Variants in CAB39L observed in about 807,000 individuals in gnomAD.
The protein encoded by CAB39L is calcium-binding protein 39-like.
In CAB39L, 23 loss-of-function variants were observed where a neutral mutation model predicts 39.1. The ratio of observed to expected loss-of-function variants is 0.59; its 90% CI spans 0.42 to 0.83. The LOEUF is 0.83. Ranked by LOEUF, CAB39L falls within the 40% of genes least tolerant of loss-of-function variation. The probability of loss-of-function intolerance (pLI) is 0.00; values close to 1 mark genes in which losing one functional copy is unlikely to be tolerated. For missense variants in CAB39L, 366 were observed against 391.9 expected (o/e 0.93, Z 0.56); for synonymous variants, 126 against 137.2 (o/e 0.92, Z 0.57).
intron 10 of CAB39L, among the ~76,000 whole-genome samples, chr13:49,331,465 C>G (rs1954694802): frequency 6.6e-6 from 1 of 151,458 alleles, no homozygotes; most frequent in African/African-American, 2.4e-5. Flanking sequence ...GACTCCATCT[C>G]AAAACAAAAA....
At chr13:49,433,661 G>A (rs1008646281) in intron 2 of CAB39L, among the ~76,000 whole-genome samples, 1 of 152,148 alleles carries the variant, frequency 6.6e-6, no homozygotes, top group Non-Finnish European at 1.5e-5. Context: ...GGTAAAGGGC[G>A]CTCTAGTACC....
chr13:49,384,547 T>C (rs1310076914), intron 3 of CAB39L, among the ~76,000 whole-genome samples: 1 of 152,206 alleles, frequency 6.6e-6, no homozygotes, highest in Non-Finnish European at 1.5e-5. Flanking sequence ...CCAGATCCAT[T>C]AGAGGAATCA....
At chr13:49,406,116 G>C (rs902326602) in intron 3 of CAB39L, among the ~76,000 whole-genome samples, 1 of 151,162 alleles carries the variant, frequency 6.6e-6, no homozygotes, top group Non-Finnish European at 1.5e-5. Context: ...ACTACAGTTA[G>C]CAATAATTTG....
chr13:49,346,643 A>G (rs2138449991), intron 7 of CAB39L, among the ~76,000 whole-genome samples: 1 of 152,328 alleles, frequency 6.6e-6, no homozygotes, highest in South Asian at 2.1e-4. Context: ...AGCCAGCGAC[A>G]GCTGCCGTTT....
intron 9 of CAB39L, among the ~76,000 whole-genome samples, chr13:49,336,175 T>C (rs1438272854): frequency 4.6e-5 from 7 of 151,710 alleles, no homozygotes; most frequent in Non-Finnish European, 7.4e-5. Context: ...TCTATGTTTA[T>C]ATATGAGCTT....
intron 3 of CAB39L, among the ~76,000 whole-genome samples, chr13:49,406,280 G>C (rs1483206558): frequency 6.7e-6 from 1 of 148,832 alleles, no homozygotes; most frequent in Non-Finnish European, 1.5e-5. Flanking sequence ...CCATTCTCCT[G>C]CCTCAGCTTC....
At position 49,332,115 on chromosome 13, in the gene CAB39L, C is replaced by A. The variant is rs566058470; in HGVS notation, c.691-25G>T. 5.0e-6 allele frequency: 8 copies of A among 1,607,298 alleles called. No individual in the cohort carries two copies. The East Asian group carries it at 1.3e-4, about 27-fold the overall frequency. ...GCTAGAGGAAAACACAAAACCAAAG[C>A]TGTAATCTCAGAGCCACCTGATTCA... On this transcript the variant is annotated intron_variant, in intron 9 of 10. Coordinates refer to ENST00000409308, the MANE Select transcript of CAB39L (RefSeq NM_001079670.3).
intron 10 of CAB39L, 94 bp from the exon 11 acceptor site, chr13:49,311,087 G>A (rs565818948): frequency 4.3e-5 from 43 of 991,538 alleles, no homozygotes; most frequent in East Asian, 2.4e-4. Context: ...CACACTACTC[G>A]CGTTTCATGC....
At chr13:49,357,048 CAAA>C (rs11447143) in intron 6 of CAB39L, among the ~76,000 whole-genome samples, 2 of 123,194 alleles carry the variant, frequency 1.6e-5, no homozygotes, top group Non-Finnish European at 1.7e-5. Flanking sequence ...GACTCCATCT[CAAA>C]AAAAAAAAAA....
chr13:49,328,920 A>C (rs1954583703), intron 10 of CAB39L, among the ~76,000 whole-genome samples: 1 of 152,116 alleles, frequency 6.6e-6, no homozygotes, highest in African/African-American at 2.4e-5. Flanking sequence ...ACAGCCTCTT[A>C]TTTTCTCTTC....
At chr13:49,355,258 T>C (rs9526545) in intron 6 of CAB39L, among the ~76,000 whole-genome samples, 37,204 of 151,492 alleles carry the variant, frequency 0.25, 4,764 homozygotes, top group Middle Eastern at 0.31. Flanking sequence ...GGCATGCACT[T>C]GTAGTCCCGG....
chr13:49,420,177 G>C (rs1957150129), intron 3 of CAB39L: 1 of 152,060 alleles, frequency 6.6e-6, no homozygotes, highest in African/African-American at 2.4e-5. Flanking sequence ...TATTTCTACA[G>C]CACTGTCAAG....
In CAB39L at chr13:49,331,949, TAAAA is replaced by T; in HGVS notation, c.828_831del (p.Phe277ArgfsTer18). ...TTTCCAGAGCTTGTACTTTTTACCT[TAAAA>T]ACATGAAAGGCTTCAAACTGGATGT... On this transcript the variant is annotated frameshift_variant, in exon 10 of 11. Coordinates refer to ENST00000409308, the MANE Select transcript of CAB39L (RefSeq NM_001079670.3). LOFTEE classifies it high-confidence loss of function. The T allele has an allele frequency of 6.2e-7, 1 of 1,614,014 alleles. No homozygotes were observed. The highest frequency in any genetic ancestry group is 1.1e-5 in the South Asian group (1 of 91,040).
At position 49,315,972 on chromosome 13, in the gene CAB39L, C is replaced by A. The variant is rs1352083061; in HGVS notation, c.835-4979G>T. On this transcript the variant is annotated intron_variant, in intron 10 of 10. Transcript: ENST00000409308. ...GCTTAAGGAACTAGGAAGAGAAGAA[C>A]AAACTAAACCAAAGCAACATAAGGA... is the stretch of plus-strand genomic sequence containing the variant. Among the ~76,000 whole-genome samples, 3 of 150,042 alleles carry A rather than the reference C, an allele frequency of 2.0e-5. No individual in the cohort carries two copies. The East Asian group carries it at 5.9e-4, about 29-fold the overall frequency.
At position 49,339,157 on chromosome 13, in the gene CAB39L, T is replaced by A. The variant is rs189405443; in HGVS notation, c.690+520A>T. On this transcript the variant is annotated intron_variant, in intron 9 of 10. Coordinates refer to ENST00000409308, the MANE Select transcript of CAB39L (RefSeq NM_001079670.3). ...TTTTTTTTTTTTTTTTGAGATGGAG[T>A]TCCGCTCTTGTTGCCCAGGCTGGAG... Among the ~76,000 whole-genome samples, 95 of 144,012 alleles carry A rather than the reference T, an allele frequency of 6.6e-4. 1 individual carries two copies. Among genetic ancestry groups the A allele is most frequent in the South Asian group, 2.7e-3 (12 of 4,450 alleles). 94.5% of individuals were successfully genotyped at this position (144,012 alleles called of 152,430 possible). A position where few individuals can be genotyped will look rare whatever the true frequency, so the allele number is the denominator to read the frequency against.
At chr13:49,432,842 A>G (rs1353887014) in intron 3 of CAB39L, among the ~76,000 whole-genome samples, 1 of 152,172 alleles carries the variant, frequency 6.6e-6, no homozygotes. Flanking sequence ...CCAGAACTGA[A>G]TATCTTTGCA....
At chr13:49,400,312 G>A (rs1394067821) in intron 3 of CAB39L, among the ~76,000 whole-genome samples, 2 of 151,778 alleles carry the variant, frequency 1.3e-5, no homozygotes, top group Non-Finnish European at 2.9e-5. Flanking sequence ...CTCCCTCCAT[G>A]CCTTTAAAAA....
chr13:49,427,229 A>G (rs769025525), intron 3 of CAB39L, among the ~76,000 whole-genome samples: 3 of 152,176 alleles, frequency 2.0e-5, no homozygotes, highest in Admixed American at 6.5e-5. Context: ...AGTTTCTAAA[A>G]AGATTCTCCC....
At chr13:49,311,018 T>C (rs374438108) in intron 10 of CAB39L, 25 bp from the exon 11 acceptor site, 3 of 1,607,066 alleles carry the variant, frequency 1.9e-6, no homozygotes, top group East Asian at 2.2e-5. Flanking sequence ...AACAAATACT[T>C]AGGAGTGCAA....
Sources: gnomAD v4.1 joint callset for allele counts (sites outside exome capture counted in the v4.1 genomes callset) on GRCh38, gnomAD v4.1.1 for gene constraint, MANE v1.5 for transcripts, NCBI Gene and HGNC (gene_info 2026-07-23, HGNC 2026-07-21) for gene names.